The following CACNA1E variants were observed in gnomAD, a reference collection of about 807,000 sequenced individuals.
The protein encoded by CACNA1E is voltage-dependent R-type calcium channel subunit alpha-1E.
In CACNA1E, 40 loss-of-function variants were observed where a neutral mutation model predicts 259.2. The observed-to-expected ratio is 0.15, with a 90% CI of 0.12 to 0.20. The LOEUF (loss-of-function observed/expected upper bound fraction) is 0.20, where lower values mean the gene tolerates loss of function less well. Ranked by LOEUF, CACNA1E falls within the 10% of genes least tolerant of loss-of-function variation. The probability of loss-of-function intolerance (pLI) is 1.00; values close to 1 mark genes in which losing one functional copy is unlikely to be tolerated. For synonymous variants in CACNA1E, 1,104 were observed against 1,138.5 expected (o/e 0.97, Z 0.61); for missense variants, 1,874 against 3,040.1 (o/e 0.62, Z 9.02).
At chr1:181,568,917 C>G (rs191908011) in intron 3 of CACNA1E, among the ~76,000 whole-genome samples, 1 of 152,278 alleles carries the variant, frequency 6.6e-6, no homozygotes, top group African/African-American at 2.4e-5. Context: ...TCTTCGGACT[C>G]CTTACTGTCT....
At chr1:181,624,642 C>T (rs1572410163) in intron 6 of CACNA1E, among the ~76,000 whole-genome samples, 1 of 152,256 alleles carries the variant, frequency 6.6e-6, no homozygotes, top group Middle Eastern at 3.4e-3. Flanking sequence ...AGTTCTCTTG[C>T]TGTTTTCACC....
chr1:181,712,019 A>C (rs969469620), intron 8 of CACNA1E, among the ~76,000 whole-genome samples: 4 of 152,156 alleles, frequency 2.6e-5, no homozygotes, highest in Non-Finnish European at 5.9e-5. Flanking sequence ...GGGAGGAGAT[A>C]ATGGTGAGAA....
intron 1 of CACNA1E, among the ~76,000 whole-genome samples, chr1:181,377,206 T>A (rs1308339596): frequency 6.6e-6 from 1 of 152,164 alleles, no homozygotes; most frequent in Non-Finnish European, 1.5e-5. Context: ...TTTTGAGTAA[T>A]CAGAATAGAC....
intron 7 of CACNA1E, among the ~76,000 whole-genome samples, chr1:181,689,074 C>T (rs1338960228): frequency 6.6e-6 from 1 of 152,068 alleles, no homozygotes; most frequent in African/African-American, 2.4e-5. Flanking sequence ...GTTTGCTGCG[C>T]CCATCAACCC....
At chr1:181,416,798 C>CT (rs559321306) in intron 2 of CACNA1E, among the ~76,000 whole-genome samples, 118 of 152,326 alleles carry the variant, frequency 7.7e-4, no homozygotes, top group African/African-American at 2.6e-3. Context: ...ATACCACCTA[C>CT]TACCCCTCGT....
At position 181,717,031 on chromosome 1, in the gene CACNA1E, G is replaced by C. The variant is rs974459999; in HGVS notation, c.1316-62G>C. ...GAGCAGCCCATCTTGCCCTTCGAAT[G>C]CTCCCTGGCCCGGACCACAGGATAT... On this transcript the variant is annotated intron_variant, in intron 10 of 47. Coordinates refer to ENST00000367573, the MANE Select transcript of CACNA1E (RefSeq NM_001205293.3). 6 of 1,434,672 alleles carry C rather than the reference G, an allele frequency of 4.2e-6. No individual in the cohort carries two copies. The East Asian group carries it at 6.8e-5, about 16-fold the overall frequency. 88.9% of individuals were successfully genotyped at this position (1,434,672 alleles called of 1,614,324 possible).
intron 1 of CACNA1E, among the ~76,000 whole-genome samples, chr1:181,390,158 G>A (rs2102032821): frequency 6.6e-6 from 1 of 152,312 alleles, no homozygotes; most frequent in African/African-American, 2.4e-5. Flanking sequence ...CTGTTCAGAA[G>A]AGCAAAGTGG....
At chr1:181,791,704 G>T (rs1423782979) in intron 44 of CACNA1E, among the ~76,000 whole-genome samples, 1 of 151,936 alleles carries the variant, frequency 6.6e-6, no homozygotes, top group Non-Finnish European at 1.5e-5. Flanking sequence ...GAGAAAAAAA[G>T]ACAAAACCCA....
Position 181,408,245 on chromosome 1 carries a change from GA to G in CACNA1E, c.-14-4885del, listed in dbSNP as rs1426967125. Among the ~76,000 whole-genome samples the G allele has an allele frequency of 1.3e-4, 20 of 152,274 alleles. No individual in the cohort carries two copies. In the East Asian group the frequency reaches 3.9e-3, roughly 29 times the overall value. On this transcript the variant is annotated intron_variant, in intron 1 of 11. Transcript: ENST00000524607. ...GGATGCACATGTTCTGGAGGAATCAGAAAGAGAGTGGTGGAGGGGTGGGAAT... is the reference window on the plus strand; with the variant it reads ...GGATGCACATGTTCTGGAGGAATCAGAAGAGAGTGGTGGAGGGGTGGGAAT...
At chr1:181,552,861 C>A (rs759460728) in intron 3 of CACNA1E, among the ~76,000 whole-genome samples, 49 of 151,990 alleles carry the variant, frequency 3.2e-4, no homozygotes, top group Non-Finnish European at 6.9e-4. Context: ...GTCTGTATAT[C>A]TGTTTCGATA....
chr1:181,691,254 G>A (rs1300521850), intron 7 of CACNA1E, among the ~76,000 whole-genome samples: 2 of 151,544 alleles, frequency 1.3e-5, no homozygotes, highest in Non-Finnish European at 1.5e-5. Flanking sequence ...GAGTTTTGTA[G>A]TTTTCCTTAT....
intron 30 of CACNA1E, 105 bp downstream of exon 30, chr1:181,757,231 A>G (rs990100662): frequency 2.6e-6 from 2 of 764,896 alleles, no homozygotes; most frequent in South Asian, 1.7e-5. Flanking sequence ...TTGATTAAGA[A>G]TTATAGAGAG....
intron 38 of CACNA1E, among the ~76,000 whole-genome samples, chr1:181,777,876 C>T (rs1660100188): frequency 6.6e-6 from 1 of 152,148 alleles, no homozygotes; most frequent in Admixed American, 6.5e-5. Context: ...GAGGAGAAAC[C>T]AACTGTGAGC....
At chr1:181,711,995 A>T (rs778446232) in intron 8 of CACNA1E, among the ~76,000 whole-genome samples, 1 of 152,224 alleles carries the variant, frequency 6.6e-6, no homozygotes, top group Non-Finnish European at 1.5e-5. Flanking sequence ...AGGGACTAGT[A>T]GTGCCGCCAT....
At chr1:181,686,631 C>T (rs1553321573) in intron 7 of CACNA1E, among the ~76,000 whole-genome samples, 1 of 152,146 alleles carries the variant, frequency 6.6e-6, no homozygotes, top group Non-Finnish European at 1.5e-5. Flanking sequence ...GAGTTTTGGC[C>T]TTTCACACTG....
intron 6 of CACNA1E, among the ~76,000 whole-genome samples, chr1:181,595,303 T>G (rs1653050426): frequency 6.6e-6 from 1 of 152,150 alleles, no homozygotes; most frequent in Non-Finnish European, 1.5e-5. Flanking sequence ...GTACTTCTCG[T>G]GGCTGCCACC....
At chr1:181,743,663 A>T (rs892813728) in intron 25 of CACNA1E, among the ~76,000 whole-genome samples, 1 of 152,156 alleles carries the variant, frequency 6.6e-6, no homozygotes, top group African/African-American at 2.4e-5. Flanking sequence ...GTAGGAGAGG[A>T]CCAGGACACC....
At position 181,766,643 on chromosome 1, in the gene CACNA1E, A is replaced by G. The variant is rs753671801; in HGVS notation, c.4881+32A>G. On this transcript the variant is annotated intron_variant, in intron 35 of 47. Transcript: ENST00000367573. ...TGGTAAATCAAGGGCCCGGTGGGGG[A>G]CAGCTGTTACCCAGATAATCTCTGG... The G allele has an allele frequency of 7.9e-6, 12 of 1,509,952 alleles. No individual in the cohort carries two copies. In the African/African-American group the frequency reaches 1.4e-4, roughly 17 times the overall value. The allele number at this position is 1,509,952 out of a possible 1,614,324, so 93.5% of individuals were successfully genotyped here.
intron 1 of CACNA1E, among the ~76,000 whole-genome samples, chr1:181,342,804 A>G (rs192028055): frequency 6.6e-6 from 1 of 152,290 alleles, no homozygotes; most frequent in Admixed American, 6.5e-5. Context: ...TCGGGGTAGA[A>G]CTGGTGATGT....
Sources: gnomAD v4.1 joint callset for allele counts (sites outside exome capture counted in the v4.1 genomes callset) on GRCh38, gnomAD v4.1.1 for gene constraint, MANE v1.5 for transcripts, NCBI Gene and HGNC (gene_info 2026-07-23, HGNC 2026-07-21) for gene names.